The following WRNIP1 variants were observed in gnomAD, a reference collection of about 807,000 sequenced individuals.
WRNIP1 encodes ATPase WRNIP1.
A neutral mutation model predicts 56.1 loss-of-function variants in WRNIP1; 41 were observed. That is an observed-to-expected ratio of 0.73 (90% CI 0.57 to 0.95). The LOEUF (loss-of-function observed/expected upper bound fraction) is 0.95, where lower values mean the gene tolerates loss of function less well. WRNIP1 is among the 40% of genes least tolerant of loss of function. WRNIP1 has a pLI of 0.00. For missense variants in WRNIP1, 1,170 were observed against 939.4 expected (o/e 1.25, Z -3.21); for synonymous variants, 547 against 398.1 (o/e 1.37, Z -4.45).
In WRNIP1 at chr6:2,783,483, C is replaced by A. The variant is rs1470233683; in HGVS notation, c.1564C>A (p.Leu522Met). Residue 522 changes from leucine (L) to methionine (M), a missense_variant, in exon 5 of 7, where the codon CTG becomes ATG. Transcript: ENST00000380773. ...GSDQNASLYW[L>M]ARMLEGGEDP... ...AGACCAGAACGCCTCCCTCTACTGG[C>A]TGGCTCGCATGCTCGAGGGAGGAGA... 6.2e-7 allele frequency: 1 copy of A among 1,614,028 alleles called. No homozygotes were observed. Among genetic ancestry groups the A allele is most frequent in the Admixed American group, 1.7e-5 (1 of 60,014 alleles).
chr6:2,767,545 A>C (rs1765077889), intron 1 of WRNIP1, among the ~76,000 whole-genome samples: 1 of 152,230 alleles, frequency 6.6e-6, no homozygotes, highest in Admixed American at 6.5e-5. Flanking sequence ...GGCCAGGAAT[A>C]AACCACATCT....
chr6:2,779,177 C>G (rs905863361), intron 3 of WRNIP1, 86 bp from the exon 4 acceptor site: 4 of 1,388,760 alleles, frequency 2.9e-6, no homozygotes, highest in Non-Finnish European at 4.0e-6. Flanking sequence ...AGTGTCCTTG[C>G]TGAGAAGTAT....
chr6:2,772,442 T>C (rs974466713), intron 3 of WRNIP1, among the ~76,000 whole-genome samples: 2 of 152,200 alleles, frequency 1.3e-5, no homozygotes, highest in Non-Finnish European at 2.9e-5. Context: ...CCCAGCACAG[T>C]GCCTGGCACA....
In WRNIP1 at chr6:2,765,716, A is replaced by G; in HGVS notation, c.94A>G (p.Ile32Val). The G allele has an allele frequency of 1.3e-6, 2 of 1,543,492 alleles. No homozygotes were observed. Among genetic ancestry groups the G allele is most frequent in the Non-Finnish European group, 1.7e-6 (2 of 1,153,330 alleles). ...VCQQMMPAAHINSHLDRCLLL... is the reference protein window; with the variant it reads ...VCQQMMPAAHVNSHLDRCLLL... Reference sequence around the variant, plus strand: ...CCAGCAGATGATGCCCGCCGCGCACATCAACTCGCACCTGGACCGCTGTCT... The same window carrying G: ...CCAGCAGATGATGCCCGCCGCGCACGTCAACTCGCACCTGGACCGCTGTCT... Residue 32 changes from isoleucine (I) to valine (V), a missense_variant, in exon 1 of 7, where the codon ATC (isoleucine) becomes GTC (valine). By Grantham distance (29) the Ile-to-Val change is conservative. Coordinates refer to ENST00000380773, the MANE Select transcript of WRNIP1 (RefSeq NM_020135.3).
At chr6:2,771,054 A>G (rs1003030848) in intron 3 of WRNIP1, among the ~76,000 whole-genome samples, 10 of 152,114 alleles carry the variant, frequency 6.6e-5, no homozygotes, top group African/African-American at 2.4e-4. Context: ...TTTTAATATT[A>G]GAACATATTC....
chr6:2,784,181 G>C (rs535775058), intron 5 of WRNIP1, 143 bp from the exon 6 acceptor site: 78 of 641,524 alleles, frequency 1.2e-4, no homozygotes, highest in Middle Eastern at 4.3e-4. Flanking sequence ...TCAGAGACTA[G>C]AGCTAAGTCA....
chr6:2,776,851 A>G (rs1765444950), intron 3 of WRNIP1, among the ~76,000 whole-genome samples: 1 of 152,208 alleles, frequency 6.6e-6, no homozygotes, highest in South Asian at 2.1e-4. Flanking sequence ...TACATACCAA[A>G]ATACTAACGT....
At chr6:2,784,682 CAAA>C (rs1160604873) in intron 6 of WRNIP1, among the ~76,000 whole-genome samples, 18 of 152,224 alleles carry the variant, frequency 1.2e-4, no homozygotes, top group African/African-American at 4.1e-4. Context: ...AGCTGAACAG[CAAA>C]GCCTCTGCAA....
At chr6:2,770,034 G>A in intron 2 of WRNIP1, 86 bp from the exon 3 acceptor site, 2 of 1,564,114 alleles carry the variant, frequency 1.3e-6, no homozygotes, top group Admixed American at 1.8e-5. Context: ...ATGAGGAAAA[G>A]GAAGGAAGGG....
At chr6:2,773,514 C>T in intron 3 of WRNIP1, 2 of 985,364 alleles carry the variant, frequency 2.0e-6, no homozygotes, top group Non-Finnish European at 2.4e-6. Flanking sequence ...GTTTGTATGG[C>T]TAAGCAGTAG....
At chr6:2,771,039 C>CT (rs1561910894) in intron 3 of WRNIP1, among the ~76,000 whole-genome samples, 3 of 151,900 alleles carry the variant, frequency 2.0e-5, no homozygotes, top group African/African-American at 7.3e-5. Flanking sequence ...AGGGGTTTTC[C>CT]TTTTTTTTAA....
chr6:2,767,273 G>A (rs1021481471), intron 1 of WRNIP1, among the ~76,000 whole-genome samples: 1 of 152,214 alleles, frequency 6.6e-6, no homozygotes, highest in Non-Finnish European at 1.5e-5. Flanking sequence ...GCTAAGAAGT[G>A]CTTAAATACA....
rs565917706 is a variant in WRNIP1, at chr6:2,770,657, A to C, written c.1256+296A>C. Among the ~76,000 whole-genome samples, 3 of 152,352 alleles carry C rather than the reference A, an allele frequency of 2.0e-5. No homozygotes were observed. The East Asian group carries it at 5.8e-4, about 29-fold the overall frequency. Reference sequence around the variant, plus strand: ...TGTTTGCTTTTGTGCTTAGGCTTCTATGGGAAGCCTTATTGATGATTTGAA... The same window carrying C: ...TGTTTGCTTTTGTGCTTAGGCTTCTCTGGGAAGCCTTATTGATGATTTGAA... On this transcript the variant is annotated intron_variant, in intron 3 of 6. Coordinates refer to ENST00000380773, the MANE Select transcript of WRNIP1 (RefSeq NM_020135.3).
intron 1 of WRNIP1, among the ~76,000 whole-genome samples, chr6:2,768,040 T>C (rs1765103757): frequency 6.6e-6 from 1 of 152,242 alleles, no homozygotes; most frequent in African/African-American, 2.4e-5. Context: ...TTCATATTAA[T>C]AACAGCATAT....
chr6:2,772,844 A>G (rs757777290), intron 3 of WRNIP1: 61 of 579,504 alleles, frequency 1.1e-4, no homozygotes, highest in East Asian at 4.3e-4. Flanking sequence ...TGACAGCTCT[A>G]TATACATCCT....
At chr6:2,778,943 G>A (rs1581140700) in intron 3 of WRNIP1, among the ~76,000 whole-genome samples, 1 of 152,268 alleles carries the variant, frequency 6.6e-6, no homozygotes, top group South Asian at 2.1e-4. Flanking sequence ...TGTTGTGCAG[G>A]GTAGAACCAG....
In WRNIP1 at chr6:2,765,703, G is replaced by A; in HGVS notation, c.81G>A (p.Met27Ile). 3 of 1,546,452 alleles carry A rather than the reference G, an allele frequency of 1.9e-6. No homozygotes were observed. Among genetic ancestry groups the A allele is most frequent in the Admixed American group, 1.8e-5 (1 of 55,178 alleles). Residue 27 changes from methionine (M) to isoleucine (I), a missense_variant, in exon 1 of 7, where the codon ATG becomes ATA. Coordinates refer to ENST00000380773, the MANE Select transcript of WRNIP1 (RefSeq NM_020135.3). ...AGTGCCCCGTGTGCCAGCAGATGATGCCCGCCGCGCACATCAACTCGCACC... is the reference window on the plus strand; with the variant it reads ...AGTGCCCCGTGTGCCAGCAGATGATACCCGCCGCGCACATCAACTCGCACC... ...QVQCPVCQQMMPAAHINSHLD... is the reference protein window; with the variant it reads ...QVQCPVCQQMIPAAHINSHLD...
chr6:2,766,660 C>T (rs911224671), intron 1 of WRNIP1, among the ~76,000 whole-genome samples: 3 of 152,196 alleles, frequency 2.0e-5, no homozygotes, highest in Admixed American at 6.5e-5. Flanking sequence ...GTAAGGCAGG[C>T]TTGCCGGGTT....
rs779975634 is a variant in WRNIP1, at chr6:2,766,008, C to T, written c.386C>T (p.Ala129Val). 6.9e-5 allele frequency: 93 copies of T among 1,352,108 alleles called. No homozygotes were observed. The highest frequency in any genetic ancestry group is 6.6e-4 in the South Asian group (38 of 57,190). 83.8% of individuals were successfully genotyped at this position (1,352,108 alleles called of 1,614,324 possible). The change falls in exon 1 of 7, where the codon GCC becomes GTC. Residue 129 changes from alanine (A) to valine (V), a missense_variant. Transcript: ENST00000380773. ...CGCCTTATCCCCGACTTCCCGGTGG[C>T]CCGCTCCAGCAGCCCCGGGAGGAAG... ...GARLIPDFPVARSSSPGRKGS... is the reference protein window; with the variant it reads ...GARLIPDFPVVRSSSPGRKGS...
Sources: allele counts gnomAD v4.1 joint callset (sites outside exome capture counted in the v4.1 genomes callset), GRCh38; gene constraint gnomAD v4.1.1; transcripts MANE v1.5; gene names NCBI Gene and HGNC (gene_info 2026-07-23, HGNC 2026-07-21).